SLC25A46: variants seen among roughly 807,000 people sequenced by gnomAD.
The protein encoded by SLC25A46 is solute carrier family 25 member 46, also known as mitochondrial outer membrane protein SLC25A46.
SLC25A46 carries 39 observed loss-of-function variants against 44.6 expected under a neutral mutation model. The ratio of observed to expected loss-of-function variants is 0.87; its 90% confidence interval spans 0.68 to 1.14. SLC25A46 has a LOEUF of 1.14. Among genes scored for constraint, SLC25A46 ranks in the 50% most tolerant of loss-of-function variants. SLC25A46 has a pLI of 0.00. For missense variants in SLC25A46, 547 were observed against 522.7 expected (o/e 1.05, Z -0.45); for synonymous variants, 202 against 185.8 (o/e 1.09, Z -0.71).
intron 5 of SLC25A46, chr5:110,754,037 T>C (rs1371020206): frequency 6.6e-6 from 1 of 152,150 alleles, no homozygotes; most frequent in African/African-American, 2.4e-5. Context: ...TTCAGCTACA[T>C]TGTGTTGTTC....
chr5:110,751,042 A>G (rs1799956907), intron 5 of SLC25A46, among the ~76,000 whole-genome samples: 1 of 152,174 alleles, frequency 6.6e-6, no homozygotes, highest in Admixed American at 6.5e-5. Flanking sequence ...AATCTTTCCA[A>G]AGAAGACAAA....
Position 110,743,753 on chromosome 5 carries a change from C to T in SLC25A46, c.350C>T (p.Ala117Val). 6.2e-7 allele frequency: 1 copy of T among 1,602,340 alleles called. No homozygotes were observed. Among genetic ancestry groups the T allele is most frequent in the Non-Finnish European group, 8.5e-7 (1 of 1,172,630 alleles). ...AGTCTCTTTACAGAAAATGTATTGG[C>T]ACATCCTTGCATTGTTCTACGCCGC... The part of the protein sequence containing the change: ...LASLFTENVL[A>V]HPCIVLRRQC... The change falls in exon 3 of 8, where the codon GCA (alanine) becomes GTA (valine). Residue 117 changes from alanine to valine, a missense_variant. Transcript: ENST00000355943.
At chr5:110,749,122 T>C (rs1010961082) in intron 5 of SLC25A46, among the ~76,000 whole-genome samples, 7 of 152,076 alleles carry the variant, frequency 4.6e-5, no homozygotes, top group African/African-American at 1.2e-4. Flanking sequence ...AGCTTGGTAA[T>C]TGGAGATAGG....
chr5:110,749,416 A>C (rs1799903367), intron 5 of SLC25A46, among the ~76,000 whole-genome samples: 2 of 151,876 alleles, frequency 1.3e-5, no homozygotes, highest in Non-Finnish European at 2.9e-5. Context: ...AGGATAGATG[A>C]AATCACCTAA....
At position 110,758,581 on chromosome 5, in the gene SLC25A46, C is replaced by T. The variant is rs144984851; in HGVS notation, c.678+1822C>T. Among the ~76,000 whole-genome samples, 435 of 151,914 alleles carry T rather than the reference C, an allele frequency of 2.9e-3. 1 individual carries two copies. The highest frequency in any genetic ancestry group is 0.01 in the African/African-American group (422 of 41,416). On this transcript the variant is annotated intron_variant, in intron 7 of 7. Coordinates refer to ENST00000355943, the MANE Select transcript of SLC25A46 (RefSeq NM_138773.4). ...TGGGCGGATCATGAGGTCAGGAGTTCGAGACCAGCCTGGCCAACAGTGAAA... is the reference window on the plus strand; with the variant it reads ...TGGGCGGATCATGAGGTCAGGAGTTTGAGACCAGCCTGGCCAACAGTGAAA...
intron 5 of SLC25A46, among the ~76,000 whole-genome samples, chr5:110,749,309 G>T (rs1268524307): frequency 6.6e-6 from 1 of 151,770 alleles, no homozygotes; most frequent in Non-Finnish European, 1.5e-5. Context: ...TCTCATATTT[G>T]GTTGGAACCA....
At chr5:110,753,816 C>T (rs921859241) in intron 5 of SLC25A46, 16 of 152,076 alleles carry the variant, frequency 1.1e-4, no homozygotes, top group African/African-American at 3.9e-4. Flanking sequence ...GGAGGCTACC[C>T]AGTCCTAAGT....
intron 7 of SLC25A46, among the ~76,000 whole-genome samples, chr5:110,758,578 G>A (rs1291658284): frequency 6.6e-6 from 1 of 151,976 alleles, no homozygotes; most frequent in Non-Finnish European, 1.5e-5. Context: ...GAGGTCAGGA[G>A]TTCGAGACCA....
At chr5:110,738,980 G>A, upstream of SLC25A46, 1 of 1,455,594 alleles carries the variant, frequency 6.9e-7, no homozygotes, top group Non-Finnish European at 9.0e-7. Flanking sequence ...GAAGACTTCC[G>A]GGTTTCCAAC....
At chr5:110,753,727 C>T (rs1800030598) in intron 5 of SLC25A46, 2 of 151,904 alleles carry the variant, frequency 1.3e-5, no homozygotes, top group Non-Finnish European at 2.9e-5. Flanking sequence ...TTTTAAGTCT[C>T]CTTTTATCTT....
At chr5:110,741,966 T>C in intron 1 of SLC25A46, 81 bp from the exon 2 acceptor site, 2 of 973,342 alleles carry the variant, frequency 2.1e-6, no homozygotes, top group Non-Finnish European at 3.1e-6. Context: ...TTTTTTAAAA[T>C]TGTTTTGAGA....
At chr5:110,742,207 G>A in intron 2 of SLC25A46, 118 bp downstream of exon 2, 1 of 621,928 alleles carries the variant, frequency 1.6e-6, no homozygotes, top group Non-Finnish European at 2.6e-6. Context: ...TGAAGCAGCA[G>A]CTTAAATTTT....
At chr5:110,739,486 G>T in intron 1 of SLC25A46, 84 bp downstream of exon 1, 1 of 1,472,602 alleles carries the variant, frequency 6.8e-7, no homozygotes, top group Non-Finnish European at 8.9e-7. Flanking sequence ...GCGGCGCAGA[G>T]GATCCCGCCT....
chr5:110,759,072 G>A (rs567203730), intron 7 of SLC25A46, among the ~76,000 whole-genome samples: 1 of 152,150 alleles, frequency 6.6e-6, no homozygotes, highest in South Asian at 2.1e-4. Context: ...CCTATATCAG[G>A]TACTGTTATA....
chr5:110,749,507 C>T (rs1242249084), intron 5 of SLC25A46, among the ~76,000 whole-genome samples: 6 of 104,592 alleles, frequency 5.7e-5, no homozygotes, highest in East Asian at 2.5e-4. Flanking sequence ...TGTGTGGGAG[C>T]GGTGGGAAGG....
At chr5:110,752,552 ATC>A (rs1020839360) in intron 5 of SLC25A46, among the ~76,000 whole-genome samples, 2 of 152,170 alleles carry the variant, frequency 1.3e-5, no homozygotes, top group Non-Finnish European at 2.9e-5. Flanking sequence ...CACTGTAAAC[ATC>A]TTGTAGTTTT....
rs1436102815 is a variant in SLC25A46, at chr5:110,761,422, AG to A, written c.898del (p.Ala300LeufsTer50). 6.2e-7 allele frequency: 1 copy of A among 1,613,732 alleles called. No homozygotes were observed. The highest frequency in any genetic ancestry group is 8.5e-7 in the Non-Finnish European group (1 of 1,179,790). On this transcript the variant is annotated frameshift_variant, in exon 8 of 8. Transcript: ENST00000355943. LOFTEE classifies it high-confidence loss of function. The surrounding 1 kb of genome is among the most constrained non-coding windows in gnomAD (Gnocchi z 5.3). ...AGAGAAAGACTTACAATAGCCACCTAGCTGAGAGCACTAGCCCTGTGCAGAG... is the reference window on the plus strand; with the variant it reads ...AGAGAAAGACTTACAATAGCCACCTACTGAGAGCACTAGCCCTGTGCAGAG... ...LKRKTYNSHL[A>X]ESTSPVQSML...
chr5:110,750,011 T>G (rs1019641108), intron 5 of SLC25A46, among the ~76,000 whole-genome samples: 28 of 152,200 alleles, frequency 1.8e-4, no homozygotes, highest in African/African-American at 6.7e-4. Context: ...TTTTGCATTG[T>G]TAAAGAAGTG....
intron 5 of SLC25A46, chr5:110,753,636 AC>A (rs1800028087): frequency 6.6e-6 from 1 of 152,130 alleles, no homozygotes; most frequent in African/African-American, 2.4e-5. Context: ...TAGAGCTGTA[AC>A]AGTAAATTTT....
Sources: gnomAD v4.1 joint callset for allele counts (sites outside exome capture counted in the v4.1 genomes callset) on GRCh38, gnomAD v4.1.1 for gene constraint, Gnocchi (gnomAD v3.1) non-coding constraint, MANE v1.5 for transcripts, NCBI Gene and HGNC (gene_info 2026-07-23, HGNC 2026-07-21) for gene names.